The following ERBIN variants were observed in gnomAD, a reference collection of about 807,000 sequenced individuals.
ERBIN encodes densin-180-like protein.
In ERBIN, 60 loss-of-function variants were observed where a neutral mutation model predicts 158.4. The ratio of observed to expected loss-of-function variants is 0.38; its 90% CI spans 0.31 to 0.47. The LOEUF (loss-of-function observed/expected upper bound fraction) is 0.47, where lower values mean the gene tolerates loss of function less well. Among genes scored for constraint, ERBIN ranks in the 20% least tolerant of loss-of-function variants. The pLI, the probability that ERBIN is intolerant of heterozygous loss-of-function variation, is 0.99. For missense variants in ERBIN, 1,610 were observed against 1,648.0 expected (o/e 0.98, Z 0.40); for synonymous variants, 594 against 557.2 (o/e 1.07, Z -0.93).
At position 66,025,320 on chromosome 5, in the gene ERBIN, G is replaced by A. The variant is rs1327576944; in HGVS notation, c.818-160G>A. On this transcript the variant is annotated intron_variant, in intron 10 of 25. Transcript: ENST00000284037. ...ATGAAGATTGAAAGGACAGGATGAG[G>A]GAATAGAACATTGGGATTGGGAGTG... The A allele has an allele frequency of 2.0e-5, 13 of 654,126 alleles. No homozygotes were observed. The East Asian group carries it at 3.2e-4, about 16-fold the overall frequency. The allele number at this position is 654,126 out of a possible 1,614,324, so 40.5% of individuals were successfully genotyped here.
rs931091563 is a variant in ERBIN, at chr5:66,054,752, C to G, written c.3434C>G (p.Ala1145Gly). ...DGPNASRPQS[A>G]RPSINEIPER... Reference sequence around the variant, plus strand: ...CCAAATGCATCAAGACCTCAGAGTGCTCGACCCTCTATTAATGAAATACCA... The same window carrying G: ...CCAAATGCATCAAGACCTCAGAGTGGTCGACCCTCTATTAATGAAATACCA... The change falls in exon 21 of 26, where the codon GCT (alanine) becomes GGT (glycine). Residue 1145 changes from alanine (A) to glycine (G), a missense_variant. Ala to Gly is a moderately conservative substitution (Grantham distance 60). Around this residue, in one of 2 missense-constraint regions of ERBIN, gnomAD observed 1,014 missense variants for 936.1 expected, o/e 1.08. Transcript: ENST00000284037. 7.4e-6 allele frequency: 12 copies of G among 1,614,094 alleles called. No individual in the cohort carries two copies. The highest frequency in any genetic ancestry group is 1.0e-5 in the Non-Finnish European group (12 of 1,180,006).
rs75644734 is a variant in ERBIN at position 65,953,081 on chromosome 5, T to A, written c.-58+26275T>A. 6.9e-3 allele frequency among the ~76,000 whole-genome samples: 1,052 copies of A among 152,326 alleles called. 2 individuals are homozygous for A. The highest frequency in any genetic ancestry group is 0.012 in the South Asian group (58 of 4,828). Reference sequence around the variant, plus strand: ...TGTATCAGACTGTGGTGGTACAAAGTTACCATCTGGCTTCTGGTCCACAGC... The same window carrying A: ...TGTATCAGACTGTGGTGGTACAAAGATACCATCTGGCTTCTGGTCCACAGC... On this transcript the variant is annotated intron_variant, in intron 1 of 25. Coordinates refer to ENST00000284037, the MANE Select transcript of ERBIN (RefSeq NM_001253697.2).
At chr5:65,930,773 A>G (rs980742606) in intron 1 of ERBIN, among the ~76,000 whole-genome samples, 3 of 152,234 alleles carry the variant, frequency 2.0e-5, no homozygotes, top group African/African-American at 7.2e-5. Flanking sequence ...TAAAACATAC[A>G]GATATATTTC....
At chr5:65,990,978 A>G (rs573457201) in intron 2 of ERBIN, among the ~76,000 whole-genome samples, 1 of 151,890 alleles carries the variant, frequency 6.6e-6, no homozygotes, top group African/African-American at 2.4e-5. Flanking sequence ...CTGGTTTCGA[A>G]CTCCTGACCT....
At chr5:66,060,567 C>A (rs1041622663) in intron 21 of ERBIN, among the ~76,000 whole-genome samples, 2 of 152,106 alleles carry the variant, frequency 1.3e-5, no homozygotes, top group African/African-American at 4.8e-5. Context: ...TTAGTTATTT[C>A]TTGTCTTCTG....
In ERBIN at chr5:66,054,710, C is replaced by T. The variant is rs1271396375; in HGVS notation, c.3392C>T (p.Thr1131Ile). Reference protein sequence around the residue: ...PGSQRPLSARTYSIDGPNASR... With the variant: ...PGSQRPLSARIYSIDGPNASR... ...TCACAGAGACCCCTTTCTGCACGAA[C>T]ATACAGCATAGATGGTCCAAATGCA... The change falls in exon 21 of 26, where the codon ACA becomes ATA. Residue 1131 changes from threonine (T) to isoleucine (I), a missense_variant. Coordinates refer to ENST00000284037, the MANE Select transcript of ERBIN (RefSeq NM_001253697.2). 1 of 1,614,014 alleles carries T rather than the reference C, an allele frequency of 6.2e-7. No homozygotes were observed. The highest frequency in any genetic ancestry group is 8.5e-7 in the Non-Finnish European group (1 of 1,180,000).
At chr5:65,951,354 G>A (rs188426536) in intron 1 of ERBIN, among the ~76,000 whole-genome samples, 2 of 152,272 alleles carry the variant, frequency 1.3e-5, no homozygotes, top group Admixed American at 6.5e-5. Context: ...ATTACCTTGA[G>A]CAGTATCTGG....
At chr5:66,025,382 T>G in intron 10 of ERBIN, 98 bp from the exon 11 acceptor site, 1 of 890,770 alleles carries the variant, frequency 1.1e-6, no homozygotes. Context: ...GAAAGTTGTT[T>G]CTAATTCTTG....
At chr5:65,948,080 A>G (rs987025812) in intron 1 of ERBIN, among the ~76,000 whole-genome samples, 3 of 151,668 alleles carry the variant, frequency 2.0e-5, no homozygotes, top group Non-Finnish European at 2.9e-5. Context: ...TTGAATAATG[A>G]ATGGACAGTG....
At chr5:65,991,412 A>C (rs1272617796) in intron 2 of ERBIN, among the ~76,000 whole-genome samples, 1 of 152,200 alleles carries the variant, frequency 6.6e-6, no homozygotes, top group Non-Finnish European at 1.5e-5. Context: ...TAATACTCTA[A>C]TAGAATCTTC....
At chr5:66,061,845 T>G (rs1420497234) in intron 21 of ERBIN, among the ~76,000 whole-genome samples, 1 of 152,226 alleles carries the variant, frequency 6.6e-6, no homozygotes, top group African/African-American at 2.4e-5. Context: ...TGAAAATTCT[T>G]TTCTTTAAGA....
intron 4 of ERBIN, among the ~76,000 whole-genome samples, chr5:66,011,716 C>T (rs1171877410): frequency 6.6e-6 from 1 of 150,494 alleles, no homozygotes; most frequent in Non-Finnish European, 1.5e-5. Context: ...GAAAAACGGT[C>T]CTTTTTTTTT....
intron 1 of ERBIN, among the ~76,000 whole-genome samples, chr5:65,953,723 A>G (rs576223270): frequency 6.6e-6 from 1 of 152,370 alleles, no homozygotes; most frequent in East Asian, 1.9e-4. Context: ...TTTTGAAACT[A>G]GAAGCTTACT....
intron 13 of ERBIN, among the ~76,000 whole-genome samples, chr5:66,028,032 T>G (rs942032822): frequency 6.6e-6 from 1 of 152,138 alleles, no homozygotes; most frequent in African/African-American, 2.4e-5. Flanking sequence ...TATTATCCAT[T>G]TTCTTACCAG....
chr5:66,063,967 G>T (rs1760734558), intron 21 of ERBIN, among the ~76,000 whole-genome samples: 1 of 152,050 alleles, frequency 6.6e-6, no homozygotes, highest in Non-Finnish European at 1.5e-5. Flanking sequence ...CTCTTCTTCA[G>T]AAAATATAGT....
intron 1 of ERBIN, among the ~76,000 whole-genome samples, chr5:65,943,686 A>G (rs558043082): frequency 6.6e-6 from 1 of 152,218 alleles, no homozygotes; most frequent in South Asian, 2.1e-4. Flanking sequence ...TTTCTTCTGA[A>G]CTTTTTTGTT....
chr5:65,967,513 G>A (rs536407232), intron 1 of ERBIN, among the ~76,000 whole-genome samples: 90 of 152,200 alleles, frequency 5.9e-4, no homozygotes, highest in African/African-American at 2.1e-3. Context: ...ACATCAGCAT[G>A]CGGTACGTGT....
chr5:66,000,792 C>T (rs996529930), intron 4 of ERBIN, among the ~76,000 whole-genome samples: 1 of 152,120 alleles, frequency 6.6e-6, no homozygotes, highest in Non-Finnish European at 1.5e-5. Flanking sequence ...AACTTCACTT[C>T]ATTGTTCATA....
Position 66,041,274 on chromosome 5 carries a change from T to C in ERBIN, c.1307-1803T>C, listed in dbSNP as rs1757893188. ...AGAACAGGTGTAGTGGTCAAAGAGG[T>C]GGAAAAGTCCTGGGTATGACTATGG... On this transcript the variant is annotated intron_variant, in intron 15 of 25. Transcript: ENST00000284037. Among the ~76,000 whole-genome samples, 2 of 151,850 alleles carry C rather than the reference T, an allele frequency of 1.3e-5. 1 individual carries two copies. The highest frequency in any genetic ancestry group is 3.9e-4 in the East Asian group (2 of 5,176).
Sources: gnomAD v4.1 joint callset for allele counts (sites outside exome capture counted in the v4.1 genomes callset) on GRCh38, gnomAD v4.1.1 for gene constraint, gnomAD v4.1.1 regional missense constraint, MANE v1.5 for transcripts, NCBI Gene and HGNC (gene_info 2026-07-23, HGNC 2026-07-21) for gene names.